The following TACC2 variants were observed in gnomAD, a reference collection of about 807,000 sequenced individuals.
The protein encoded by TACC2 is transforming acidic coiled-coil containing protein 2.
Under a neutral mutation model 227.3 loss-of-function variants are expected in TACC2, and 137 were observed. That is an observed-to-expected ratio of 0.60 (90% CI 0.52 to 0.69). The LOEUF is 0.69. Among genes scored for constraint, TACC2 ranks in the 30% least tolerant of loss-of-function variants. The pLI is 0.00. For synonymous variants in TACC2, 1,523 were observed against 1,487.5 expected, an observed-to-expected ratio of 1.02 and a Z score of -0.55; for missense variants, 3,470 against 3,694.4, an observed-to-expected ratio of 0.94 and a Z score of 1.57.
In TACC2 at chr10:122,084,823, C is replaced by A; in HGVS notation, c.2323C>A (p.His775Asn). The A allele has an allele frequency of 6.2e-7, 1 of 1,613,778 alleles. No homozygotes were observed. Among genetic ancestry groups the A allele is most frequent in the Non-Finnish European group, 8.5e-7 (1 of 1,180,036 alleles). ...PACDASRQEF[H>N]AGVPHPPQGE... ...GTGTGATGCGTCGAGACAGGAATTTCATGCTGGGGTGCCACATCCCCCCCA... is the reference window on the plus strand; with the variant it reads ...GTGTGATGCGTCGAGACAGGAATTTAATGCTGGGGTGCCACATCCCCCCCA... The change falls in exon 4 of 23, where the codon CAT (histidine) becomes AAT (asparagine). Residue 775 changes from histidine (H) to asparagine (N), a missense_variant. Physicochemically the swap from His to Asn is moderately conservative, Grantham distance 68 (BLOSUM62 1). Transcript: ENST00000369005.
In TACC2 at chr10:122,227,896, T is replaced by C; in HGVS notation, c.7784T>C (p.Val2595Ala). 1.2e-6 allele frequency: 2 copies of C among 1,614,214 alleles called. No homozygotes were observed. Among genetic ancestry groups the C allele is most frequent in the Non-Finnish European group, 1.7e-6 (2 of 1,180,036 alleles). The stretch of plus-strand genomic sequence containing the variant: ...ACTGCTGCGAAAAACCAGCATCCTG[T>C]CCCACGAGGACTGGCCCCTAACCAA... ...VNTAAKNQHP[V>A]PRGLAPNQES... Residue 2595 changes from valine (V) to alanine (A), a missense_variant, in exon 14 of 23, where the codon GTC (valine) becomes GCC (alanine). By Grantham distance (64) the Val-to-Ala change is moderately conservative. This residue lies in a region of TACC2 where 345 missense variants were observed against 354.4 expected (regional missense o/e 0.97). Transcript: ENST00000369005.
At chr10:122,088,387 T>C in intron 4 of TACC2, 91 bp from the exon 5 acceptor site, 2 of 1,261,378 alleles carry the variant, frequency 1.6e-6, no homozygotes, top group East Asian at 2.6e-5. Flanking sequence ...CTTAAAACTT[T>C]AATTGAGAAA....
chr10:122,074,081 CTTTTT>C (rs3981240), intron 3 of TACC2, among the ~76,000 whole-genome samples: 20 of 132,166 alleles, frequency 1.5e-4, no homozygotes, highest in Non-Finnish European at 2.5e-4. Context: ...CACCCGGCAT[CTTTTT>C]TTTTTTTTTT....
chr10:122,017,818 C>CAAAAAAAAAAAAAAA (rs5788525), intron 1 of TACC2, among the ~76,000 whole-genome samples: 3 of 74,956 alleles, frequency 4.0e-5, no homozygotes, highest in East Asian at 5.0e-4. Flanking sequence ...GAAACTGTCT[C>CAAAAAAAAAAAAAAA]AAAAAAAAAA....
intron 18 of TACC2, among the ~76,000 whole-genome samples, chr10:122,239,654 C>T (rs956575925): frequency 2.6e-5 from 4 of 152,154 alleles, no homozygotes; most frequent in Non-Finnish European, 5.9e-5. Context: ...ATTTCTTTTG[C>T]CTCCTGGGAG....
intron 1 of TACC2, among the ~76,000 whole-genome samples, chr10:122,012,675 C>T (rs1374134690): frequency 6.6e-6 from 1 of 152,000 alleles, no homozygotes; most frequent in Non-Finnish European, 1.5e-5. Flanking sequence ...GCAGCTACCA[C>T]CCTTAAGCCT....
intron 3 of TACC2, among the ~76,000 whole-genome samples, chr10:122,076,067 T>C (rs1202685207): frequency 2.0e-5 from 3 of 152,168 alleles, no homozygotes; most frequent in African/African-American, 7.2e-5. Flanking sequence ...CCCAAAGTGG[T>C]GGGATTACAG....
chr10:122,227,076 T>G (rs1028954917), intron 13 of TACC2, among the ~76,000 whole-genome samples: 4 of 152,192 alleles, frequency 2.6e-5, no homozygotes, highest in Non-Finnish European at 5.9e-5. Flanking sequence ...AAGGAGGCTA[T>G]CCGTCTTCCA....
chr10:122,167,084 C>T (rs954663650), intron 7 of TACC2, among the ~76,000 whole-genome samples: 4 of 152,220 alleles, frequency 2.6e-5, no homozygotes, highest in Non-Finnish European at 5.9e-5. Context: ...CCTCAGCTTC[C>T]ACCAAATCCC....
At chr10:122,036,317 C>A (rs1182159684) in intron 2 of TACC2, among the ~76,000 whole-genome samples, 1 of 151,626 alleles carries the variant, frequency 6.6e-6, no homozygotes, top group South Asian at 2.1e-4. Flanking sequence ...CTCAGCCTCC[C>A]GAGTAGCTGG....
chr10:122,149,143 A>G (rs1268882053), intron 7 of TACC2, among the ~76,000 whole-genome samples: 1 of 152,194 alleles, frequency 6.6e-6, no homozygotes, highest in Admixed American at 6.5e-5. Context: ...GCCACAGCTG[A>G]CCTCTGAGAG....
intron 16 of TACC2, among the ~76,000 whole-genome samples, chr10:122,231,604 C>T (rs943100623): frequency 6.6e-6 from 1 of 152,176 alleles, no homozygotes; most frequent in African/African-American, 2.4e-5. Context: ...GGATCCGGGT[C>T]CCATTTTACA....
Position 122,086,133 on chromosome 10 carries a change from T to A in TACC2, c.3633T>A (p.Ser1211=). ...GGIPRSTMDF[S]THQAVPDPKE... The stretch of plus-strand genomic sequence containing the variant: ...TTCCCAGGAGCACCATGGATTTTTC[T>A]ACACACCAGGCTGTCCCAGACCCAA... The change falls in exon 4 of 23, where the codon TCT becomes TCA. Residue 1211 remains serine, a synonymous_variant. Transcript: ENST00000369005. 6.2e-7 allele frequency: 1 copy of A among 1,613,532 alleles called. No homozygotes were observed. The highest frequency in any genetic ancestry group is 1.1e-5 in the South Asian group (1 of 91,084).
Position 122,083,384 on chromosome 10 carries a change from C to A in TACC2, c.884C>A (p.Ala295Glu). ...ASDRERGQGEAPPQYLTDDLE... is the reference protein window; with the variant it reads ...ASDRERGQGEEPPQYLTDDLE... ...GACAGAGAAAGAGGCCAAGGGGAGG[C>A]GCCGCCTCAGTATTTAACAGATGAC... The change falls in exon 4 of 23, where the codon GCG becomes GAG. Residue 295 changes from alanine to glutamate, a missense_variant. Ala to Glu is a moderately radical substitution (Grantham distance 107). Coordinates refer to ENST00000369005, the MANE Select transcript of TACC2 (RefSeq NM_206862.4). 1 of 1,613,880 alleles carries A rather than the reference C, an allele frequency of 6.2e-7. No individual in the cohort carries two copies. Among genetic ancestry groups the A allele is most frequent in the Non-Finnish European group, 8.5e-7 (1 of 1,180,000 alleles).
Position 122,126,316 on chromosome 10 carries a change from C to CTGTG in TACC2, c.5574-6265_5574-6262dup, listed in dbSNP as rs3037067. Among the ~76,000 whole-genome samples, 114 of 142,132 alleles carry CTGTG rather than the reference C, an allele frequency of 8.0e-4. 1 individual carries two copies. Among genetic ancestry groups the CTGTG allele is most frequent in the East Asian group, 1.7e-3 (8 of 4,752 alleles). 93.2% of individuals were successfully genotyped at this position (142,132 alleles called of 152,430 possible). ...TTATTCCATGGGTTATAATCCAGAA[C>CTGTG]TGTGTGTGTGTGTGTGTGTGTGTGT... On this transcript the variant is annotated intron_variant, in intron 5 of 22. Transcript: ENST00000369005.
chr10:122,205,657 G>A lies in TACC2; in HGVS notation c.5972-4740G>A, dbSNP rs1036686524. On this transcript the variant is annotated intron_variant, in intron 8 of 22. Transcript: ENST00000369005. The surrounding 1 kb of genome is among the most constrained non-coding windows in gnomAD (Gnocchi z 4.5). ...GAGGCGCACCTGTGGCACCTGTTAC[G>A]ATGGGGGCCCTGAGCCCCCACCCCA... Among the ~76,000 whole-genome samples the A allele has an allele frequency of 2.0e-5, 3 of 152,218 alleles. No homozygotes were observed. The highest frequency in any genetic ancestry group is 2.9e-5 in the Non-Finnish European group (2 of 68,044).
chr10:122,184,660 A>G (rs2094114723), intron 7 of TACC2, among the ~76,000 whole-genome samples: 1 of 152,080 alleles, frequency 6.6e-6, no homozygotes, highest in Admixed American at 6.6e-5. Context: ...AACAGCACCT[A>G]TGTGTTGCTT....
intron 7 of TACC2, among the ~76,000 whole-genome samples, chr10:122,157,192 T>G (rs1437821987): frequency 6.6e-6 from 1 of 152,228 alleles, no homozygotes; most frequent in East Asian, 1.9e-4. Context: ...GTTGCTTTGT[T>G]GATGACATTG....
At position 122,194,504 on chromosome 10, in the gene TACC2, G is replaced by A. The variant is rs2094505222; in HGVS notation, c.5835-536G>A. On this transcript the variant is annotated intron_variant, in intron 7 of 22. Coordinates refer to ENST00000369005, the MANE Select transcript of TACC2 (RefSeq NM_206862.4). This position sits in a 1 kb window ranked among gnomAD's most constrained non-coding sequence, Gnocchi z 4.4. Reference sequence around the variant, plus strand: ...ACATGTTCATTCCCGGCCCTCCACTGTAGGCTTGGAGATACTGTGATAAAC... The same window carrying A: ...ACATGTTCATTCCCGGCCCTCCACTATAGGCTTGGAGATACTGTGATAAAC... Among the ~76,000 whole-genome samples, 1 of 152,184 alleles carries A rather than the reference G, an allele frequency of 6.6e-6. No individual in the cohort carries two copies. The highest frequency in any genetic ancestry group is 2.4e-5 in the African/African-American group (1 of 41,448).
Sources: allele counts gnomAD v4.1 joint callset (sites outside exome capture counted in the v4.1 genomes callset), GRCh38; gene constraint gnomAD v4.1.1; regional missense constraint gnomAD v4.1.1; non-coding constraint Gnocchi (gnomAD v3.1); transcripts MANE v1.5; gene names NCBI Gene and HGNC (gene_info 2026-07-23, HGNC 2026-07-21).